Variants in STIM1 observed in about 807,000 individuals in gnomAD.
STIM1 encodes stromal interaction molecule 1.
A neutral mutation model predicts 74.7 loss-of-function variants in STIM1; 25 were observed. The observed-to-expected ratio is 0.33, with a 90% confidence interval of 0.24 to 0.47. The LOEUF is 0.47. Ranked by LOEUF, STIM1 falls within the 20% of genes least tolerant of loss-of-function variation. The probability of loss-of-function intolerance (pLI) is 1.00; values close to 1 mark genes in which losing one functional copy is unlikely to be tolerated. For synonymous variants in STIM1, 328 were observed against 348.8 expected (o/e 0.94, Z 0.66); for missense variants, 728 against 920.8 (o/e 0.79, Z 2.71).
chr11:4,056,601 C>T (rs1160241324), intron 4 of STIM1, among the ~76,000 whole-genome samples: 1 of 152,178 alleles, frequency 6.6e-6, no homozygotes, highest in Non-Finnish European at 1.5e-5. Flanking sequence ...GAAGGTGAAG[C>T]TGTTGGAATG....
chr11:3,892,723 T>G, intron 1 of STIM1: 1 of 1,613,106 alleles, frequency 6.2e-7, no homozygotes, highest in Non-Finnish European at 8.5e-7. Flanking sequence ...CTGGAATAAT[T>G]CTGTGAAAGC....
At chr11:3,959,953 A>C (rs898571442) in intron 1 of STIM1, among the ~76,000 whole-genome samples, 1 of 152,228 alleles carries the variant, frequency 6.6e-6, no homozygotes, top group African/African-American at 2.4e-5. Context: ...TCACCTCCAC[A>C]CACTGTCAGT....
chr11:4,030,688 A>G (rs2094042601), intron 3 of STIM1, among the ~76,000 whole-genome samples: 1 of 152,224 alleles, frequency 6.6e-6, no homozygotes, highest in Non-Finnish European at 1.5e-5. Context: ...AATAAAAACA[A>G]CTAGCATCCA....
chr11:3,971,483 C>T (rs1466799220), intron 2 of STIM1, among the ~76,000 whole-genome samples: 3 of 151,968 alleles, frequency 2.0e-5, no homozygotes, highest in Admixed American at 2.0e-4. Flanking sequence ...GAGCCGAGAT[C>T]GCAACATTGC....
At chr11:4,033,232 C>G (rs796271033) in intron 3 of STIM1, among the ~76,000 whole-genome samples, 14 of 152,082 alleles carry the variant, frequency 9.2e-5, no homozygotes, top group African/African-American at 3.4e-4. Flanking sequence ...TGTTTTGGTA[C>G]CAGTACCATG....
chr11:4,070,873 G>A (rs1338509266), intron 6 of STIM1, among the ~76,000 whole-genome samples: 1 of 151,714 alleles, frequency 6.6e-6, no homozygotes, highest in Non-Finnish European at 1.5e-5. Flanking sequence ...TGACGTCTAG[G>A]AACCAGTTCT....
At chr11:3,998,607 G>A (rs1317675308) in intron 2 of STIM1, among the ~76,000 whole-genome samples, 1 of 152,124 alleles carries the variant, frequency 6.6e-6, no homozygotes, top group East Asian at 1.9e-4. Flanking sequence ...AAATTTACAA[G>A]ATGCTGGTGA....
At chr11:4,055,279 CCA>C (rs1391552240) in intron 3 of STIM1, among the ~76,000 whole-genome samples, 1 of 152,094 alleles carries the variant, frequency 6.6e-6, no homozygotes, top group Non-Finnish European at 1.5e-5. Flanking sequence ...TGATTTTTTC[CCA>C]GTCAGTCCCC....
At chr11:3,878,925 C>A (rs1445237019) in intron 1 of STIM1, among the ~76,000 whole-genome samples, 8 of 152,062 alleles carry the variant, frequency 5.3e-5, no homozygotes, top group Admixed American at 5.2e-4. Flanking sequence ...CACACAGCAT[C>A]TCCTCTAGTA....
intron 1 of STIM1, among the ~76,000 whole-genome samples, chr11:3,882,892 G>A (rs1274504861): frequency 1.3e-5 from 2 of 152,036 alleles, no homozygotes; most frequent in African/African-American, 2.4e-5. Flanking sequence ...CCTCATTGTG[G>A]TTTTGACATG....
intron 2 of STIM1, among the ~76,000 whole-genome samples, chr11:3,980,822 G>T (rs1444382077): frequency 1.3e-5 from 2 of 152,082 alleles, no homozygotes; most frequent in Admixed American, 1.3e-4. Flanking sequence ...TACATTGTAG[G>T]ATGTTTAGTA....
rs575037811 is a variant in STIM1, at chr11:4,026,008, A to G, written c.385+2021A>G. Among the ~76,000 whole-genome samples the G allele has an allele frequency of 3.9e-5, 6 of 152,288 alleles. 1 individual carries two copies. In the South Asian group the frequency reaches 1.2e-3, roughly 32 times the overall value. Reference sequence around the variant, plus strand: ...ACAGACTAAAAGTGAGAATTTTTATATGTCCTCTTCCTCCCAATAATTTGC... The same window carrying G: ...ACAGACTAAAAGTGAGAATTTTTATGTGTCCTCTTCCTCCCAATAATTTGC... On this transcript the variant is annotated intron_variant, in intron 3 of 12. Coordinates refer to ENST00000526596, the MANE Select transcript of STIM1 (RefSeq NM_001382567.1).
At chr11:3,904,401 T>C (rs984721348) in intron 1 of STIM1, among the ~76,000 whole-genome samples, 1 of 151,908 alleles carries the variant, frequency 6.6e-6, no homozygotes, top group Admixed American at 6.6e-5. Flanking sequence ...AACTGGAGTG[T>C]TGGACTACTT....
intron 1 of STIM1, among the ~76,000 whole-genome samples, chr11:3,936,987 G>A (rs2092939790): frequency 6.6e-6 from 1 of 152,052 alleles, no homozygotes; most frequent in South Asian, 2.1e-4. Flanking sequence ...GTACAAATAA[G>A]ATCAGATCTT....
intron 1 of STIM1, among the ~76,000 whole-genome samples, chr11:3,949,562 A>G (rs2093120159): frequency 6.6e-6 from 1 of 152,224 alleles, no homozygotes; most frequent in African/African-American, 2.4e-5. Context: ...TCATTTTTCA[A>G]CCAGTGGTTA....
chr11:4,084,940 T>A (rs2094484707), intron 11 of STIM1, among the ~76,000 whole-genome samples, 175 bp downstream of exon 11: 1 of 152,156 alleles, frequency 6.6e-6, no homozygotes, highest in African/African-American at 2.4e-5. Context: ...AGAATCAGCT[T>A]GCTTGGCAAG....
chr11:4,009,282 AAG>A (rs2093812607), intron 2 of STIM1, among the ~76,000 whole-genome samples: 1 of 148,526 alleles, frequency 6.7e-6, no homozygotes, highest in Non-Finnish European at 1.5e-5. Flanking sequence ...GCAACAGGGA[AAG>A]AGTGTCTCAA....
rs2093350040 is a variant in STIM1 at position 3,967,462 on chromosome 11, G to T, written c.140-90G>T. 2.5e-6 allele frequency: 4 copies of T among 1,603,660 alleles called. No individual in the cohort carries two copies. In the Admixed American group the frequency reaches 6.7e-5, roughly 27 times the overall value. The stretch of plus-strand genomic sequence containing the variant: ...AGTTAAGTGCCTACATGAGGAGTCA[G>T]ATGCTAGAAGCTAAGGATGCTGACA... On this transcript the variant is annotated intron_variant, in intron 1 of 12. Transcript: ENST00000526596.
chr11:4,059,343 G>A lies in STIM1; in HGVS notation c.560G>A (p.Arg187Gln). 2 of 1,614,050 alleles carry A rather than the reference G, an allele frequency of 1.2e-6. No homozygotes were observed. The highest frequency in any genetic ancestry group is 1.7e-6 in the Non-Finnish European group (2 of 1,179,996). The change falls in exon 5 of 13, where the codon CGG (arginine) becomes CAG (glutamine). Residue 187 changes from arginine to glutamine, a missense_variant. Coordinates refer to ENST00000526596, the MANE Select transcript of STIM1 (RefSeq NM_001382567.1). ...TVLKMTDRSH[R>Q]QKLQLKALDT... The stretch of plus-strand genomic sequence containing the variant: ...CTGAAGATGACAGACCGGAGTCATC[G>A]GCAGAAGCTGCAGCTGAAGGCTCTG...
Sources: allele counts gnomAD v4.1 joint callset (sites outside exome capture counted in the v4.1 genomes callset), GRCh38; gene constraint gnomAD v4.1.1; transcripts MANE v1.5; gene names NCBI Gene and HGNC (gene_info 2026-07-23, HGNC 2026-07-21).